The following HIVEP2 variants were observed in gnomAD, a reference collection of about 807,000 sequenced individuals.
The protein encoded by HIVEP2 is HIVEP zinc finger 2, also known as transcription factor HIVEP2.
In HIVEP2, 14 loss-of-function variants were observed where a neutral mutation model predicts 180.7. The observed-to-expected ratio is 0.08, with a 90% CI of 0.05 to 0.12. HIVEP2 has a LOEUF of 0.12. HIVEP2 is among the 10% of genes least tolerant of loss of function. HIVEP2 has a pLI of 1.00. For synonymous variants in HIVEP2, 1,184 were observed against 1,136.4 expected (o/e 1.04, Z -0.84); for missense variants, 2,579 against 3,008.5 (o/e 0.86, Z 3.34).
intron 2 of HIVEP2, among the ~76,000 whole-genome samples, chr6:142,813,147 T>A (rs1227407208): frequency 6.6e-6 from 1 of 152,202 alleles, no homozygotes; most frequent in Non-Finnish European, 1.5e-5. Flanking sequence ...TTGATGGATA[T>A]ATACACTGTT....
chr6:142,823,921 C>T (rs576174476), intron 2 of HIVEP2, among the ~76,000 whole-genome samples: 153 of 152,230 alleles, frequency 1.0e-3, no homozygotes, highest in Non-Finnish European at 1.8e-3. Context: ...TTTATTCATT[C>T]ATTTTAATAT....
At chr6:142,838,807 T>C (rs1312471733) in intron 1 of HIVEP2, among the ~76,000 whole-genome samples, 2 of 152,158 alleles carry the variant, frequency 1.3e-5, no homozygotes, top group Admixed American at 1.3e-4. Context: ...TCTTCATTTC[T>C]TAGGTAGGGT....
At chr6:142,768,239 G>T in intron 6 of HIVEP2, 143 bp downstream of exon 6, 2 of 700,564 alleles carry the variant, frequency 2.9e-6, no homozygotes, top group Non-Finnish European at 4.5e-6. Context: ...TCTATTACCA[G>T]CCAGAGTTCA....
intron 2 of HIVEP2, among the ~76,000 whole-genome samples, chr6:142,785,257 A>G (rs1195157286): frequency 6.6e-6 from 1 of 150,798 alleles, no homozygotes; most frequent in African/African-American, 2.4e-5. Flanking sequence ...AAGCACTTCA[A>G]AAAAAACCCA....
intron 1 of HIVEP2, among the ~76,000 whole-genome samples, chr6:142,877,046 C>T (rs1385839543): frequency 6.6e-6 from 1 of 152,106 alleles, no homozygotes; most frequent in Non-Finnish European, 1.5e-5. Flanking sequence ...GACACCCTGT[C>T]TCAAATAAAA....
chr6:142,793,537 T>C (rs1776190535), intron 2 of HIVEP2, among the ~76,000 whole-genome samples: 1 of 152,162 alleles, frequency 6.6e-6, no homozygotes, highest in Admixed American at 6.5e-5. Flanking sequence ...TCTAGTATAT[T>C]TAGCAATTAA....
At chr6:142,865,045 C>A (rs1776102285) in intron 1 of HIVEP2, among the ~76,000 whole-genome samples, 1 of 152,110 alleles carries the variant, frequency 6.6e-6, no homozygotes, top group Non-Finnish European at 1.5e-5. Flanking sequence ...TTTATTACAG[C>A]CTATTTTACT....
At chr6:142,858,654 C>A (rs188853248) in intron 1 of HIVEP2, among the ~76,000 whole-genome samples, 1 of 151,982 alleles carries the variant, frequency 6.6e-6, no homozygotes, top group East Asian at 1.9e-4. Flanking sequence ...TGCAATGACA[C>A]GATCTCGGCT....
intron 1 of HIVEP2, among the ~76,000 whole-genome samples, chr6:142,935,158 A>G (rs537122310): frequency 6.6e-6 from 1 of 152,330 alleles, no homozygotes; most frequent in African/African-American, 2.4e-5. Context: ...GCCCGCAACT[A>G]TGGGTTTAAG....
At chr6:142,903,126 A>T (rs1777173064) in intron 1 of HIVEP2, among the ~76,000 whole-genome samples, 1 of 152,196 alleles carries the variant, frequency 6.6e-6, no homozygotes, top group South Asian at 2.1e-4. Context: ...CAGGCACAGA[A>T]CTTAAGACTG....
At chr6:142,877,333 G>A (rs1776468934) in intron 1 of HIVEP2, among the ~76,000 whole-genome samples, 1 of 152,024 alleles carries the variant, frequency 6.6e-6, no homozygotes, top group South Asian at 2.1e-4. Flanking sequence ...AAGTAACTAA[G>A]GCCAAGTGAA....
intron 6 of HIVEP2, among the ~76,000 whole-genome samples, chr6:142,767,315 G>A (rs1333960809): frequency 1.3e-5 from 2 of 152,102 alleles, no homozygotes; most frequent in Non-Finnish European, 2.9e-5. Flanking sequence ...ATCAAGACAA[G>A]CTTCATGACT....
At chr6:142,896,217 C>T (rs978443742) in intron 1 of HIVEP2, among the ~76,000 whole-genome samples, 7 of 151,052 alleles carry the variant, frequency 4.6e-5, no homozygotes, top group African/African-American at 1.7e-4. Context: ...AATCTTCACA[C>T]TTAGTGTTTG....
At chr6:142,807,238 G>A (rs1168223892) in intron 2 of HIVEP2, among the ~76,000 whole-genome samples, 1 of 152,148 alleles carries the variant, frequency 6.6e-6, no homozygotes, top group African/African-American at 2.4e-5. Context: ...CTGTAAGACT[G>A]GAAGACAGGT....
chr6:142,922,960 C>T (rs1053278537), intron 1 of HIVEP2, among the ~76,000 whole-genome samples: 1 of 152,110 alleles, frequency 6.6e-6, no homozygotes, highest in Non-Finnish European at 1.5e-5. Context: ...ATAAATCCTG[C>T]CCAACATCTA....
chr6:142,892,788 G>A (rs1185891215), intron 1 of HIVEP2, among the ~76,000 whole-genome samples: 1 of 152,162 alleles, frequency 6.6e-6, no homozygotes, highest in Non-Finnish European at 1.5e-5. Context: ...TGTCCTTAGT[G>A]CAAGCCTCCT....
chr6:142,856,026 GT>G (rs992532045), intron 1 of HIVEP2, among the ~76,000 whole-genome samples: 3 of 152,090 alleles, frequency 2.0e-5, no homozygotes, highest in Admixed American at 1.3e-4. Flanking sequence ...TTGTTTGCTG[GT>G]TTTGTTGTTT....
chr6:142,862,789 C>T (rs12205564), intron 1 of HIVEP2, among the ~76,000 whole-genome samples: 23,087 of 130,252 alleles, frequency 0.18, 2,157 homozygotes, highest in South Asian at 0.22. Flanking sequence ...AATTATATTA[C>T]ATATAATATA....
At chr6:142,845,955 G>A (rs1775504760) in intron 1 of HIVEP2, among the ~76,000 whole-genome samples, 1 of 152,244 alleles carries the variant, frequency 6.6e-6, no homozygotes, top group African/African-American at 2.4e-5. Flanking sequence ...GGCTCCCCCT[G>A]CCGCAGGACG....
Sources: gnomAD v4.1 joint callset for allele counts (sites outside exome capture counted in the v4.1 genomes callset) on GRCh38, gnomAD v4.1.1 for gene constraint, MANE v1.5 for transcripts, NCBI Gene and HGNC (gene_info 2026-07-23, HGNC 2026-07-21) for gene names.